The following ADAMTS16 variants were observed in gnomAD, a reference collection of about 807,000 sequenced individuals.
ADAMTS16 encodes the protein A disintegrin and metalloproteinase with thrombospondin motifs 16.
A neutral mutation model predicts 145.8 loss-of-function variants in ADAMTS16; 94 were observed. That is an observed-to-expected ratio of 0.64 (90% CI 0.55 to 0.77). The LOEUF (loss-of-function observed/expected upper bound fraction) is 0.77, where lower values mean the gene tolerates loss of function less well. ADAMTS16 is among the 30% of genes least tolerant of loss of function. The probability of loss-of-function intolerance (pLI) is 0.00; values close to 1 mark genes in which losing one functional copy is unlikely to be tolerated. For synonymous variants in ADAMTS16, 659 were observed against 604.3 expected (o/e 1.09, Z -1.33); for missense variants, 1,585 against 1,591.5 (o/e 1.00, Z 0.07).
At chr5:5,302,082 G>A (rs73738804) in intron 18 of ADAMTS16, among the ~76,000 whole-genome samples, 1,883 of 152,222 alleles carry the variant, frequency 0.012, 42 homozygotes, top group African/African-American at 0.043. Context: ...CTGTTATGGC[G>A]CCATGTTTCC....
intron 5 of ADAMTS16, 29 bp from the exon 6 acceptor site, chr5:5,187,696 G>C (rs1295811649): frequency 3.3e-6 from 5 of 1,520,702 alleles, no homozygotes; most frequent in Non-Finnish European, 4.6e-6. Flanking sequence ...CCATTTATGG[G>C]GCTGACATGG....
intron 21 of ADAMTS16, among the ~76,000 whole-genome samples, chr5:5,314,788 C>T (rs542024501): frequency 6.6e-5 from 10 of 152,294 alleles, no homozygotes; most frequent in African/African-American, 2.2e-4. Context: ...TGACACTGTG[C>T]ATCTTGGAAG....
At chr5:5,249,847 T>C (rs1031638798) in intron 17 of ADAMTS16, among the ~76,000 whole-genome samples, 2 of 152,222 alleles carry the variant, frequency 1.3e-5, no homozygotes, top group South Asian at 4.1e-4. Context: ...GTGGTGAACA[T>C]GGAGGACTTT....
intron 3 of ADAMTS16, among the ~76,000 whole-genome samples, chr5:5,163,355 T>C (rs1424505953): frequency 6.6e-6 from 1 of 152,232 alleles, no homozygotes; most frequent in East Asian, 1.9e-4. Context: ...CTCATCTGAA[T>C]TGTGGTTACC....
intron 10 of ADAMTS16, among the ~76,000 whole-genome samples, chr5:5,220,731 A>G (rs1736581046): frequency 6.6e-6 from 1 of 152,072 alleles, no homozygotes; most frequent in African/African-American, 2.4e-5. Flanking sequence ...GTCCACGATT[A>G]GACGTTGCTG....
chr5:5,318,002 T>A, intron 21 of ADAMTS16, 132 bp from the exon 22 acceptor site: 1 of 1,046,108 alleles, frequency 9.6e-7, no homozygotes, highest in Non-Finnish European at 1.3e-6. Flanking sequence ...TAACTCCACC[T>A]GCCTCTGCGA....
At chr5:5,241,606 G>A (rs1395081626) in intron 16 of ADAMTS16, among the ~76,000 whole-genome samples, 1 of 152,190 alleles carries the variant, frequency 6.6e-6, no homozygotes, top group Non-Finnish European at 1.5e-5. Context: ...CAGATGCAGG[G>A]ATTTGCAGGG....
intron 21 of ADAMTS16, among the ~76,000 whole-genome samples, chr5:5,316,614 A>T (rs1734066832): frequency 6.6e-6 from 1 of 152,090 alleles, no homozygotes; most frequent in African/African-American, 2.4e-5. Flanking sequence ...AGATAATCTA[A>T]CTGAGCTCAC....
At chr5:5,265,989 T>A (rs1475605044) in intron 18 of ADAMTS16, among the ~76,000 whole-genome samples, 72 of 51,264 alleles carry the variant, frequency 1.4e-3, no homozygotes, top group Admixed American at 2.9e-3. Context: ...TAAAGAAGTG[T>A]GTGTGTGTGT....
chr5:5,229,109 T>C (rs898001406), intron 11 of ADAMTS16, among the ~76,000 whole-genome samples: 5 of 151,698 alleles, frequency 3.3e-5, no homozygotes, highest in Non-Finnish European at 7.4e-5. Flanking sequence ...CCATCCTGGC[T>C]AACACGGTGA....
intron 13 of ADAMTS16, 51 bp downstream of exon 13, chr5:5,235,237 C>A: frequency 6.9e-7 from 1 of 1,443,242 alleles, no homozygotes; most frequent in South Asian, 1.6e-5. Context: ...ACTACCTTTA[C>A]TTTTTAAAGA....
chr5:5,308,363 TCC>T (rs901139925), intron 21 of ADAMTS16, among the ~76,000 whole-genome samples: 12 of 152,226 alleles, frequency 7.9e-5, no homozygotes, highest in Admixed American at 5.9e-4. Context: ...CTTGCCACTG[TCC>T]ACAGAGAAGT....
chr5:5,143,357 G>C (rs142338015), intron 2 of ADAMTS16, among the ~76,000 whole-genome samples: 3,036 of 152,112 alleles, frequency 0.02, 51 homozygotes, highest in Non-Finnish European at 0.031. Context: ...ACATTTATGC[G>C]GCCAACAAAC....
chr5:5,174,528 T>G (rs779173385), intron 3 of ADAMTS16, among the ~76,000 whole-genome samples: 6 of 152,168 alleles, frequency 3.9e-5, no homozygotes, highest in Non-Finnish European at 5.9e-5. Context: ...TTTTATTCCT[T>G]AAATAAACTT....
At chr5:5,210,077 T>C (rs1417929354) in intron 10 of ADAMTS16, among the ~76,000 whole-genome samples, 1 of 152,208 alleles carries the variant, frequency 6.6e-6, no homozygotes, top group Non-Finnish European at 1.5e-5. Flanking sequence ...ACTGGATCCT[T>C]ATCTCTTCAG....
At chr5:5,143,628 G>T (rs1289088163) in intron 2 of ADAMTS16, among the ~76,000 whole-genome samples, 1 of 152,100 alleles carries the variant, frequency 6.6e-6, no homozygotes, top group East Asian at 1.9e-4. Flanking sequence ...CCCATTACTG[G>T]GTATATACCC....
At chr5:5,241,913 A>G (rs974598590) in intron 16 of ADAMTS16, 140 bp from the exon 17 acceptor site, 35 of 1,041,704 alleles carry the variant, frequency 3.4e-5, no homozygotes, top group Middle Eastern at 2.4e-4. Context: ...TAAAGTTTGG[A>G]TGATAGTCTG....
At position 5,220,703 on chromosome 5, in the gene ADAMTS16, A is replaced by G. The variant is rs542719700; in HGVS notation, c.1606-2086A>G. Among the ~76,000 whole-genome samples, 7 of 152,180 alleles carry G rather than the reference A, an allele frequency of 4.6e-5. No individual in the cohort carries two copies. The South Asian group carries it at 1.5e-3, about 32-fold the overall frequency. On this transcript the variant is annotated intron_variant, in intron 10 of 22. Coordinates refer to ENST00000274181, the MANE Select transcript of ADAMTS16 (RefSeq NM_139056.4). The stretch of plus-strand genomic sequence containing the variant: ...TGAACACATTACCTATAACCACTGC[A>G]TTTAGTCCCCAGGACAAGTCCACGA...
At position 5,200,380 on chromosome 5, in the gene ADAMTS16, C is replaced by T; in HGVS notation, c.1451+111C>T. The T allele has an allele frequency of 2.2e-6, 3 of 1,376,944 alleles. No homozygotes were observed. In the East Asian group the frequency reaches 6.9e-5, roughly 32 times the overall value. The allele number at this position is 1,376,944 out of a possible 1,614,324, so 85.3% of individuals were successfully genotyped here. ...CAGGCTGTGCTTCCTGATGTGGTTC[C>T]CTTTGAAGGTGTCTTGAGACATTCA... On this transcript the variant is annotated intron_variant, in intron 9 of 22. Coordinates refer to ENST00000274181, the MANE Select transcript of ADAMTS16 (RefSeq NM_139056.4).
Sources: gnomAD v4.1 joint callset for allele counts (sites outside exome capture counted in the v4.1 genomes callset) on GRCh38, gnomAD v4.1.1 for gene constraint, MANE v1.5 for transcripts, NCBI Gene and HGNC (gene_info 2026-07-23, HGNC 2026-07-21) for gene names.